The following RSF1 variants were observed in gnomAD, a reference collection of about 807,000 sequenced individuals.
RSF1 encodes remodeling and spacing factor 1.
In RSF1, 13 loss-of-function variants were observed where a neutral mutation model predicts 145.2. That is an observed-to-expected ratio of 0.09 (90% CI 0.06 to 0.14). The LOEUF (loss-of-function observed/expected upper bound fraction) is 0.14, where lower values mean the gene tolerates loss of function less well. Ranked by LOEUF, RSF1 falls within the 10% of genes least tolerant of loss-of-function variation. The pLI, the probability that RSF1 is intolerant of heterozygous loss-of-function variation, is 1.00. For synonymous variants in RSF1, 577 were observed against 592.6 expected (o/e 0.97, Z 0.38); for missense variants, 1,517 against 1,718.2 (o/e 0.88, Z 2.07).
chr11:77,765,986 G>T (rs1028917984), intron 1 of RSF1, among the ~76,000 whole-genome samples: 1 of 152,040 alleles, frequency 6.6e-6, no homozygotes, highest in African/African-American at 2.4e-5. Context: ...GATCTCAGGC[G>T]ATCTGCCCAC....
At chr11:77,867,349 T>C in the RSF1 span, among the ~76,000 whole-genome samples, 11 of 152,212 alleles carry the variant, frequency 7.2e-5, no homozygotes, top group Admixed American at 7.2e-4. Context: ...CGAGACCCAG[T>C]TAAAACAGCA....
chr11:77,820,373 G>A (rs1948851798), intron 1 of RSF1, among the ~76,000 whole-genome samples, 155 bp downstream of exon 1: 1 of 152,252 alleles, frequency 6.6e-6, no homozygotes, highest in Non-Finnish European at 1.5e-5. Context: ...GACCCCGGGG[G>A]CTGGGCGGAG....
the RSF1 span, chr11:77,866,317 G>GA: frequency 6.6e-6 from 1 of 152,174 alleles, no homozygotes; most frequent in Non-Finnish European, 1.5e-5. Flanking sequence ...TCGTGTGACA[G>GA]AAAGCCTCTT....
rs866017540 is a variant in RSF1 at position 77,820,615 on chromosome 11, C to T, written c.100G>A (p.Gly34Arg). 1.9e-6 allele frequency: 3 copies of T among 1,566,968 alleles called. No individual in the cohort carries two copies. The highest frequency in any genetic ancestry group is 1.9e-5 in the Admixed American group (1 of 52,358). ...AVVCSFLERY[G>R]PLLDLPELPF... The stretch of plus-strand genomic sequence containing the variant: ...AACTCAGGCAGGTCTAGCAGCGGCC[C>T]GTAGCGCTCCAAGAAGGAGCAGACT... Residue 34 changes from glycine to arginine, a missense_variant, in exon 1 of 16, where the codon GGG becomes AGG. Coordinates refer to ENST00000308488, the MANE Select transcript of RSF1 (RefSeq NM_016578.4).
At chr11:77,856,374 A>C in the RSF1 span, among the ~76,000 whole-genome samples, 1 of 152,060 alleles carries the variant, frequency 6.6e-6, no homozygotes, top group African/African-American at 2.4e-5. Flanking sequence ...ATTTGCCCTC[A>C]TCTTCCTTTC....
At chr11:77,820,760 G>T, upstream of RSF1, 1 of 1,519,830 alleles carries the variant, frequency 6.6e-7, no homozygotes, top group Non-Finnish European at 8.8e-7. Flanking sequence ...GGCGGGGGAA[G>T]TTGTGGTGCC....
intron 4 of RSF1, among the ~76,000 whole-genome samples, chr11:77,728,428 C>A (rs547622520): frequency 1.4e-4 from 22 of 151,936 alleles, no homozygotes; most frequent in Non-Finnish European, 3.1e-4. Flanking sequence ...GTAATCCCAG[C>A]ACTTTGGAGG....
At chr11:77,814,315 C>A (rs1948761268) in intron 1 of RSF1, among the ~76,000 whole-genome samples, 1 of 152,006 alleles carries the variant, frequency 6.6e-6, no homozygotes, top group Admixed American at 6.6e-5. Flanking sequence ...CTGGACAATA[C>A]AGCAAGACCT....
intron 1 of RSF1, among the ~76,000 whole-genome samples, chr11:77,781,114 T>TTGA (rs1554997133): frequency 2.4e-4 from 36 of 151,946 alleles, no homozygotes; most frequent in African/African-American, 6.8e-4. Flanking sequence ...CTTTTTTTTT[T>TTGA]GAGAGAGAGA....
the RSF1 span, among the ~76,000 whole-genome samples, chr11:77,852,133 G>A: frequency 2.0e-5 from 3 of 148,108 alleles, no homozygotes; most frequent in African/African-American, 7.5e-5. Flanking sequence ...TTGGGAGGAC[G>A]AGGGACGAGA....
At chr11:77,866,739 A>T in the RSF1 span, 88 of 152,308 alleles carry the variant, frequency 5.8e-4, no homozygotes, top group African/African-American at 2.0e-3. Context: ...CGAAAAAAAA[A>T]ATATTAAAAA....
chr11:77,870,487 C>T, the RSF1 span, among the ~76,000 whole-genome samples: 3 of 151,724 alleles, frequency 2.0e-5, no homozygotes, highest in African/African-American at 7.3e-5. Flanking sequence ...CAGGCGCCCA[C>T]CACCACGCCT....
chr11:77,685,254 T>C (rs1424865425), intron 9 of RSF1, 95 bp from the exon 10 acceptor site: 5 of 640,900 alleles, frequency 7.8e-6, no homozygotes, highest in Admixed American at 3.1e-5. Context: ...AATTACAATT[T>C]CACGTTAACA....
chr11:77,817,272 C>T (rs1192277930), intron 1 of RSF1, among the ~76,000 whole-genome samples: 1 of 152,202 alleles, frequency 6.6e-6, no homozygotes, highest in South Asian at 2.1e-4. Flanking sequence ...ACCATAATTA[C>T]TTGTGAAATG....
At chr11:77,728,623 G>A (rs562665389) in intron 4 of RSF1, among the ~76,000 whole-genome samples, 3 of 151,620 alleles carry the variant, frequency 2.0e-5, no homozygotes, top group Admixed American at 1.3e-4. Flanking sequence ...GAAGGGAGAC[G>A]GGAGAAGGGA....
chr11:77,861,870 A>G, the RSF1 span, among the ~76,000 whole-genome samples: 1 of 152,108 alleles, frequency 6.6e-6, no homozygotes, highest in Non-Finnish European at 1.5e-5. Context: ...CAAGTTCAAC[A>G]GGGTTTCTAA....
chr11:77,662,674 T>A lies in RSF1; in HGVS notation c.*4243A>T, dbSNP rs1487471029. 6.6e-6 allele frequency: 1 copy of A among 152,150 alleles called. No individual in the cohort carries two copies. The highest frequency in any genetic ancestry group is 1.5e-5 in the Non-Finnish European group (1 of 68,024). The allele number at this position is 152,150 out of a possible 1,614,324, so 9.4% of individuals were successfully genotyped here. A position where few individuals can be genotyped will look rare whatever the true frequency, so the allele number is the denominator to read the frequency against. ...TATAAAAATGACACAAAAAAATCAG[T>A]TAACTTGCCACTTCCAAGGTAGGTT... On this transcript the variant is annotated 3_prime_UTR_variant, in exon 16 of 16. Coordinates refer to ENST00000308488, the MANE Select transcript of RSF1 (RefSeq NM_016578.4).
chr11:77,735,053 G>T, intron 4 of RSF1: 1 of 1,313,810 alleles, frequency 7.6e-7, no homozygotes, highest in Non-Finnish European at 1.1e-6. Context: ...AGGTGGCGGC[G>T]GTGGCAGTGG....
intron 4 of RSF1, among the ~76,000 whole-genome samples, chr11:77,727,685 G>A (rs1961092553): frequency 6.6e-6 from 1 of 151,964 alleles, no homozygotes; most frequent in East Asian, 1.9e-4. Flanking sequence ...TCACCATGTT[G>A]GTCAGGCTAG....
Sources: gnomAD v4.1 joint callset for allele counts (sites outside exome capture counted in the v4.1 genomes callset) on GRCh38, gnomAD v4.1.1 for gene constraint, MANE v1.5 for transcripts, NCBI Gene and HGNC (gene_info 2026-07-23, HGNC 2026-07-21) for gene names.